The following TNKS variants were observed in gnomAD, a reference collection of about 807,000 sequenced individuals.
The protein encoded by TNKS is poly [ADP-ribose] polymerase tankyrase-1.
TNKS carries 72 observed loss-of-function variants against 135.8 expected under a neutral mutation model. The observed-to-expected ratio is 0.53, with a 90% CI of 0.44 to 0.64. TNKS has a LOEUF of 0.64. Among genes scored for constraint, TNKS ranks in the 30% least tolerant of loss-of-function variants. The pLI is 0.00. For missense variants in TNKS, 1,769 were observed against 1,674.0 expected (o/e 1.06, Z -0.99); for synonymous variants, 849 against 649.3 (o/e 1.31, Z -4.68).
chr8:9,565,693 T>A (rs1439723516), intron 1 of TNKS, among the ~76,000 whole-genome samples: 2 of 151,740 alleles, frequency 1.3e-5, no homozygotes, highest in African/African-American at 2.4e-5. Flanking sequence ...CTACTAAAAA[T>A]ACACACACAC....
chr8:9,569,203 T>C lies in TNKS; in HGVS notation c.674-10956T>C, dbSNP rs993789336. On this transcript the variant is annotated intron_variant, in intron 1 of 26. Transcript: ENST00000310430. ...TACCGTTTGGTTTCCTAAAAGATTC[T>C]AATAATTCCTGTCATCACTCCCTGG... 5.3e-5 allele frequency among the ~76,000 whole-genome samples: 8 copies of C among 152,212 alleles called. No homozygotes were observed. In the East Asian group the frequency reaches 1.5e-3, roughly 29 times the overall value.
intron 24 of TNKS, 78 bp from the exon 25 acceptor site, chr8:9,766,161 C>G (rs1324230585): frequency 8.2e-7 from 1 of 1,222,832 alleles, no homozygotes; most frequent in Admixed American, 2.2e-5. Context: ...ATTAACCTGC[C>G]CGATGCAAAT....
At chr8:9,768,759 C>T (rs1335024476) in intron 25 of TNKS, among the ~76,000 whole-genome samples, 1 of 152,176 alleles carries the variant, frequency 6.6e-6, no homozygotes, top group Non-Finnish European at 1.5e-5. Context: ...AGAGATGGAG[C>T]TCAAAAAGCC....
chr8:9,679,981 C>G lies in TNKS; in HGVS notation c.1025C>G (p.Ala342Gly). The G allele has an allele frequency of 6.2e-7, 1 of 1,612,102 alleles. No individual in the cohort carries two copies. Among genetic ancestry groups the G allele is most frequent in the Non-Finnish European group, 8.5e-7 (1 of 1,178,228 alleles). The change falls in exon 4 of 27, where the codon GCT becomes GGT. Residue 342 changes from alanine (A) to glycine (G), a missense_variant. Ala to Gly is a moderately conservative substitution (Grantham distance 60). Transcript: ENST00000310430. ...TACAAGAAAGACGAACTCCTAGAAG[C>G]TGCTAGGTAAGTGATTCCATTCATT... The part of the protein sequence containing the change: ...GEYKKDELLE[A>G]ARSGNEEKLM...
At chr8:9,740,823 G>GTTTTTTTTTTT (rs565849400) in intron 17 of TNKS, 1 of 60,496 alleles carries the variant, frequency 1.7e-5, no homozygotes, top group African/African-American at 4.7e-5. Flanking sequence ...TGTAATTCTT[G>GTTTTTTTTTTT]TTGTTTTTTT....
rs1033562281 is a variant in TNKS, at chr8:9,776,930, T to A, written c.*194T>A. 5.7e-6 allele frequency: 3 copies of A among 526,384 alleles called. No homozygotes were observed. The highest frequency in any genetic ancestry group is 1.9e-5 in the African/African-American group (1 of 52,760). The allele number at this position is 526,384 out of a possible 1,614,324, so 32.6% of individuals were successfully genotyped here. On this transcript the variant is annotated 3_prime_UTR_variant, in exon 27 of 27. Coordinates refer to ENST00000310430, the MANE Select transcript of TNKS (RefSeq NM_003747.3). ...CATACTCAACTGCTACTGTTCCCTT[T>A]GAGGAAATGTTTACAGGGGCGGCCT...
intron 5 of TNKS, among the ~76,000 whole-genome samples, chr8:9,699,108 G>T (rs971387354): frequency 1.3e-5 from 2 of 152,166 alleles, no homozygotes; most frequent in Non-Finnish European, 2.9e-5. Context: ...TGTGTATGTG[G>T]ATGTCCTAAA....
chr8:9,560,183 C>T (rs1303464336), intron 1 of TNKS, among the ~76,000 whole-genome samples: 1 of 152,026 alleles, frequency 6.6e-6, no homozygotes, highest in Non-Finnish European at 1.5e-5. Flanking sequence ...CCCATATATT[C>T]TGAAGACGTC....
chr8:9,589,085 C>T (rs140670737), intron 2 of TNKS, among the ~76,000 whole-genome samples: 2 of 152,266 alleles, frequency 1.3e-5, no homozygotes, highest in South Asian at 2.1e-4. Flanking sequence ...GATTATTTCC[C>T]TGCTCCCACT....
At chr8:9,759,146 C>G (rs1466556134) in intron 20 of TNKS, among the ~76,000 whole-genome samples, 2 of 152,150 alleles carry the variant, frequency 1.3e-5, no homozygotes, top group African/African-American at 2.4e-5. Context: ...AGAAGCAAGT[C>G]ACTAGGCCAG....
chr8:9,559,077 A>T (rs1488895208), intron 1 of TNKS, among the ~76,000 whole-genome samples: 1 of 152,222 alleles, frequency 6.6e-6, no homozygotes, highest in East Asian at 1.9e-4. Context: ...TAGTGTGCTT[A>T]GATGATCGGG....
At chr8:9,735,320 A>C in intron 16 of TNKS, 57 bp from the exon 17 acceptor site, 3 of 1,455,444 alleles carry the variant, frequency 2.1e-6, no homozygotes, top group Non-Finnish European at 2.9e-6. Context: ...TTACATATGT[A>C]TGTATTTTTT....
intron 12 of TNKS, chr8:9,722,554 C>CAAAAAAAAAAAAAAA: frequency 7.0e-6 from 1 of 143,144 alleles, no homozygotes; most frequent in South Asian, 2.2e-4. Flanking sequence ...AGCTTGAACT[C>CAAAAAAAAAAAAAAA]AAAAAAAAAA....
chr8:9,734,319 A>G (rs1805584398), intron 15 of TNKS, among the ~76,000 whole-genome samples: 1 of 152,200 alleles, frequency 6.6e-6, no homozygotes, highest in Non-Finnish European at 1.5e-5. Context: ...GCTATTGGTA[A>G]TTAAACTTTT....
intron 19 of TNKS, 32 bp downstream of exon 19, chr8:9,751,878 A>G (rs1258333623): frequency 1.3e-6 from 2 of 1,598,218 alleles, no homozygotes; most frequent in Non-Finnish European, 1.7e-6. Flanking sequence ...TTATTTATTT[A>G]TACCTTTTGT....
At chr8:9,704,953 A>G (rs1199455657) in intron 6 of TNKS, among the ~76,000 whole-genome samples, 196 bp downstream of exon 6, 1 of 152,196 alleles carries the variant, frequency 6.6e-6, no homozygotes, top group South Asian at 2.1e-4. Context: ...AATTTCCCAA[A>G]TCAATTTAAT....
rs978819005 is a variant in TNKS at position 9,759,965 on chromosome 8, G to A, written c.3154-1551G>A. Among the ~76,000 whole-genome samples the A allele has an allele frequency of 2.9e-4, 43 of 150,474 alleles. 1 individual carries two copies. Among genetic ancestry groups the A allele is most frequent in the African/African-American group, 8.3e-4 (34 of 40,850 alleles). On this transcript the variant is annotated intron_variant, in intron 20 of 26. Coordinates refer to ENST00000310430, the MANE Select transcript of TNKS (RefSeq NM_003747.3). The stretch of plus-strand genomic sequence containing the variant: ...TGCACTCCAGCCGGGGCGACAGAGC[G>A]AGACTCTGTCTCAAAAGAAAACAAA...
At chr8:9,624,054 T>C (rs1344129450) in intron 3 of TNKS, among the ~76,000 whole-genome samples, 1 of 144,856 alleles carries the variant, frequency 6.9e-6, no homozygotes. Context: ...ACAACTAACT[T>C]TCTGTTTGGA....
intron 5 of TNKS, among the ~76,000 whole-genome samples, chr8:9,701,986 G>A (rs1006761767): frequency 3.3e-5 from 5 of 152,180 alleles, no homozygotes; most frequent in South Asian, 2.1e-4. Context: ...AATAGTTTCT[G>A]TTGCCACCAG....
Sources: allele counts gnomAD v4.1 joint callset (sites outside exome capture counted in the v4.1 genomes callset), GRCh38; gene constraint gnomAD v4.1.1; transcripts MANE v1.5; gene names NCBI Gene and HGNC (gene_info 2026-07-23, HGNC 2026-07-21).